Variants in CNOT1 observed in about 807,000 individuals in gnomAD.
CNOT1 encodes the protein CCR4-associated factor 1.
Under a neutral mutation model 273.8 loss-of-function variants are expected in CNOT1, and 15 were observed. That is an observed-to-expected ratio of 0.05 (90% confidence interval 0.04 to 0.08). CNOT1 has a LOEUF of 0.08. Among genes scored for constraint, CNOT1 ranks in the 10% least tolerant of loss-of-function variants. The probability of loss-of-function intolerance (pLI) is 1.00; values close to 1 mark genes in which losing one functional copy is unlikely to be tolerated. For synonymous variants in CNOT1, 1,022 were observed against 1,005.5 expected (o/e 1.02, Z -0.31); for missense variants, 1,644 against 2,912.2 (o/e 0.56, Z 10.02).
chr16:58,560,085 T>G, intron 17 of CNOT1, 127 bp downstream of exon 17: 1 of 1,523,714 alleles, frequency 6.6e-7, no homozygotes, highest in Non-Finnish European at 8.8e-7. Flanking sequence ...TCCTTTAAAA[T>G]AAGTGGATGC....
intron 1 of CNOT1, among the ~76,000 whole-genome samples, chr16:58,606,495 A>G (rs796124208): frequency 5.3e-5 from 8 of 152,292 alleles, no homozygotes; most frequent in African/African-American, 1.9e-4. Flanking sequence ...TCACCCAAAA[A>G]TAAATGAGTG....
chr16:58,589,133 C>T (rs916437159), intron 2 of CNOT1, among the ~76,000 whole-genome samples: 1 of 152,126 alleles, frequency 6.6e-6, no homozygotes, highest in Non-Finnish European at 1.5e-5. Context: ...AACTCCTGGA[C>T]TCACAGCGTC....
intron 16 of CNOT1, among the ~76,000 whole-genome samples, chr16:58,560,803 T>C (rs758556048): frequency 4.3e-4 from 65 of 152,224 alleles, no homozygotes; most frequent in Non-Finnish European, 8.5e-4. Flanking sequence ...GGCGGGGGTA[T>C]TGCCTGAGGT....
intron 1 of CNOT1, among the ~76,000 whole-genome samples, chr16:58,617,365 AT>A (rs1277995121): frequency 1.3e-5 from 2 of 151,926 alleles, no homozygotes; most frequent in Non-Finnish European, 1.5e-5. Flanking sequence ...TCTCAAAAAA[AT>A]TTTTTTAATT....
chr16:58,529,643 G>C (rs1171887866), intron 43 of CNOT1, among the ~76,000 whole-genome samples: 1 of 151,802 alleles, frequency 6.6e-6, no homozygotes, highest in African/African-American at 2.4e-5. Flanking sequence ...TTTGAGACGA[G>C]CGTAGCCAAT....
chr16:58,537,227 CAATA>C lies in CNOT1; in HGVS notation c.5415-11_5415-8del. ...TTCCATCAGCTGGGGCAATCTAGCACAATAAATAAAGGGTGAAAATCAGTCTCCT... is the reference window on the plus strand; with the variant it reads ...TTCCATCAGCTGGGGCAATCTAGCACAATAAAGGGTGAAAATCAGTCTCCT... On this transcript the variant is annotated splice_polypyrimidine_tract_variant and splice_region_variant and intron_variant, in intron 38 of 48. Coordinates refer to ENST00000317147, the MANE Select transcript of CNOT1 (RefSeq NM_016284.5). 6.3e-7 allele frequency: 1 copy of C among 1,575,822 alleles called. No homozygotes were observed. The highest frequency in any genetic ancestry group is 8.6e-7 in the Non-Finnish European group (1 of 1,159,888).
chr16:58,585,947 G>A (rs2041819259), intron 7 of CNOT1, among the ~76,000 whole-genome samples: 1 of 151,890 alleles, frequency 6.6e-6, no homozygotes, highest in Admixed American at 6.6e-5. Flanking sequence ...GTAAATAAAA[G>A]TAACCATGAG....
intron 2 of CNOT1, chr16:58,597,795 T>C (rs1414330616): frequency 3.0e-5 from 14 of 470,764 alleles, no homozygotes; most frequent in Non-Finnish European, 5.4e-5. Context: ...TAAAGGATAC[T>C]CCAAGGCCAA....
intron 21 of CNOT1, among the ~76,000 whole-genome samples, chr16:58,554,650 C>T (rs892240135): frequency 6.6e-6 from 1 of 152,094 alleles, no homozygotes; most frequent in Non-Finnish European, 1.5e-5. Flanking sequence ...AAAAGAGAGG[C>T]TTTGGCTGGG....
chr16:58,590,620 C>A (rs575655452), intron 2 of CNOT1, among the ~76,000 whole-genome samples: 13 of 151,968 alleles, frequency 8.6e-5, no homozygotes, highest in Non-Finnish European at 1.6e-4. Context: ...AGAACAGAGT[C>A]TGGGTGCAGT....
chr16:58,583,899 T>G (rs2041743383), intron 8 of CNOT1, among the ~76,000 whole-genome samples: 1 of 151,380 alleles, frequency 6.6e-6, no homozygotes, highest in Non-Finnish European at 1.5e-5. Context: ...CCGGGTGTGG[T>G]GGCTCACGCC....
chr16:58,536,972 C>A lies in CNOT1; in HGVS notation c.5646+17G>T. On this transcript the variant is annotated intron_variant, in intron 39 of 48. Coordinates refer to ENST00000317147, the MANE Select transcript of CNOT1 (RefSeq NM_016284.5). ...CTTATGTTGAATAAAAAGCACCTTT[C>A]TTTCCAAAAGCTCTACCTGTCCAAC... 6.2e-7 allele frequency: 1 copy of A among 1,612,732 alleles called. No individual in the cohort carries two copies. Among genetic ancestry groups the A allele is most frequent in the South Asian group, 1.1e-5 (1 of 90,884 alleles).
intron 1 of CNOT1, among the ~76,000 whole-genome samples, chr16:58,619,912 ACT>A (rs1001356709): frequency 4.6e-5 from 7 of 151,416 alleles, no homozygotes; most frequent in Admixed American, 4.6e-4. Flanking sequence ...AAATAGTTTA[ACT>A]CTGTAGATTA....
intron 1 of CNOT1, among the ~76,000 whole-genome samples, chr16:58,618,231 G>C (rs9934300): frequency 0.36 from 55,107 of 151,780 alleles, 11,040 homozygotes; most frequent in Non-Finnish European, 0.46. Context: ...GAGCCCAGGA[G>C]TTCAAGGCTG....
At chr16:58,583,879 A>G (rs552814506) in intron 8 of CNOT1, among the ~76,000 whole-genome samples, 1 of 151,670 alleles carries the variant, frequency 6.6e-6, no homozygotes, top group South Asian at 2.1e-4. Context: ...TTAAAAAATC[A>G]GTGTAAGAGC....
At position 58,555,781 on chromosome 16, in the gene CNOT1, C is replaced by T. The variant is rs774417915; in HGVS notation, c.2604+3G>A. The T allele has an allele frequency of 6.2e-7, 1 of 1,613,752 alleles. No individual in the cohort carries two copies. The highest frequency in any genetic ancestry group is 1.3e-5 in the African/African-American group (1 of 74,924). On this transcript the variant is annotated splice_donor_region_variant and intron_variant, in intron 20 of 48. Coordinates refer to ENST00000317147, the MANE Select transcript of CNOT1 (RefSeq NM_016284.5). ...AAATAAGTAGATCATCCTAGACACT[C>T]ACCTCATCAACAGACATGGTTGGAT... is the stretch of plus-strand genomic sequence containing the variant.
intron 2 of CNOT1, chr16:58,597,628 C>G (rs2042310835): frequency 2.3e-6 from 1 of 436,068 alleles, no homozygotes; most frequent in Admixed American, 2.8e-5. Flanking sequence ...AAGCAATCAA[C>G]ATGGAGAGAT....
chr16:58,558,820 ATCAAG>A (rs1158963715), intron 17 of CNOT1, 146 bp from the exon 18 acceptor site: 5 of 1,165,462 alleles, frequency 4.3e-6, no homozygotes, highest in Admixed American at 4.9e-5. Flanking sequence ...AATCCCAGTT[ATCAAG>A]TCAAGTGTGT....
rs56180546 is a variant in CNOT1 at position 58,554,935 on chromosome 16, CAAAA to C, written c.2891+312_2891+315del. 1.5e-4 allele frequency among the ~76,000 whole-genome samples: 12 copies of C among 78,910 alleles called. No homozygotes were observed. The South Asian group carries it at 1.6e-3, about 10-fold the overall frequency. 51.8% of individuals were successfully genotyped at this position (78,910 alleles called of 152,430 possible). On this transcript the variant is annotated intron_variant, in intron 21 of 48. Coordinates refer to ENST00000317147, the MANE Select transcript of CNOT1 (RefSeq NM_016284.5). ...TGGGGGACAGAGCAAGACTCCATCT[CAAAA>C]AAAAAAAAAAAAAAGCTTCAGGCCA...
Sources: gnomAD v4.1 joint callset for allele counts (sites outside exome capture counted in the v4.1 genomes callset) on GRCh38, gnomAD v4.1.1 for gene constraint, MANE v1.5 for transcripts, NCBI Gene and HGNC (gene_info 2026-07-23, HGNC 2026-07-21) for gene names.